GNA14: variants seen among roughly 807,000 people sequenced by gnomAD.
The protein encoded by GNA14 is G protein subunit alpha 14.
GNA14 carries 50 observed loss-of-function variants against 42.0 expected under a neutral mutation model. The ratio of observed to expected loss-of-function variants is 1.19; its 90% CI spans 0.95 to 1.51. GNA14 has a LOEUF of 1.51. Ranked by LOEUF, GNA14 falls within the 40% of genes most tolerant of loss-of-function variation. GNA14 has a pLI of 0.00. For synonymous variants in GNA14, 173 were observed against 163.1 expected, an observed-to-expected ratio of 1.06 and a Z score of -0.46; for missense variants, 473 against 446.2, an observed-to-expected ratio of 1.06 and a Z score of -0.54.
intron 1 of GNA14, among the ~76,000 whole-genome samples, chr9:77,548,820 A>G (rs1587826429): frequency 2.0e-5 from 3 of 152,238 alleles, no homozygotes; most frequent in African/African-American, 7.2e-5. Context: ...CCCATGTGGC[A>G]GCATCACTTT....
intron 2 of GNA14, among the ~76,000 whole-genome samples, chr9:77,465,511 G>A (rs187770155): frequency 1.6e-4 from 24 of 152,140 alleles, no homozygotes; most frequent in South Asian, 2.1e-4. Flanking sequence ...TTGGGTATAC[G>A]CCTAGGAGTA....
At chr9:77,425,760 T>C (rs751213612) in intron 5 of GNA14, 45 bp from the exon 6 acceptor site, 7 of 1,456,494 alleles carry the variant, frequency 4.8e-6, no homozygotes, top group South Asian at 1.3e-5. Context: ...AAAGGAAATA[T>C]TTTGGAAACA....
chr9:77,561,990 A>C (rs11145482), intron 1 of GNA14, among the ~76,000 whole-genome samples: 99,617 of 152,000 alleles, frequency 0.66, 32,896 homozygotes, highest in Admixed American at 0.73. Flanking sequence ...AAAGCCCAAA[A>C]AATCTACCAC....
At chr9:77,567,376 C>A (rs1587832547) in intron 1 of GNA14, among the ~76,000 whole-genome samples, 1 of 152,166 alleles carries the variant, frequency 6.6e-6, no homozygotes, top group East Asian at 1.9e-4. Flanking sequence ...TTATCAGTCT[C>A]CTCTGCTGTG....
At chr9:77,491,307 A>G (rs1836771606) in intron 2 of GNA14, among the ~76,000 whole-genome samples, 1 of 152,250 alleles carries the variant, frequency 6.6e-6, no homozygotes, top group African/African-American at 2.4e-5. Flanking sequence ...GGACAAATGC[A>G]GAATAATACT....
At chr9:77,550,110 G>T (rs1400356573) in intron 1 of GNA14, among the ~76,000 whole-genome samples, 6 of 152,126 alleles carry the variant, frequency 3.9e-5, no homozygotes, top group African/African-American at 9.7e-5. Flanking sequence ...GTAGAGAGAA[G>T]GGAACACCAG....
chr9:77,552,195 G>T (rs1005943079), intron 1 of GNA14, among the ~76,000 whole-genome samples: 1 of 149,894 alleles, frequency 6.7e-6, no homozygotes, highest in African/African-American at 2.5e-5. Flanking sequence ...ATTCCCAAAA[G>T]TTCTAAAATA....
chr9:77,585,490 C>T (rs940504207), intron 1 of GNA14, among the ~76,000 whole-genome samples: 1 of 152,214 alleles, frequency 6.6e-6, no homozygotes, highest in Non-Finnish European at 1.5e-5. Context: ...CCTTACCTTT[C>T]TTTACCATGC....
chr9:77,472,427 C>T (rs934366437), intron 2 of GNA14, among the ~76,000 whole-genome samples: 1 of 151,622 alleles, frequency 6.6e-6, no homozygotes, highest in Non-Finnish European at 1.5e-5. Flanking sequence ...CTAGCCAGGA[C>T]AATTAGGCAA....
At chr9:77,535,823 C>G (rs1837590027) in intron 1 of GNA14, among the ~76,000 whole-genome samples, 1 of 151,610 alleles carries the variant, frequency 6.6e-6, no homozygotes, top group Non-Finnish European at 1.5e-5. Context: ...AAAGGGGAAC[C>G]TGTGCTAATA....
At chr9:77,601,415 A>C (rs995664573) in intron 1 of GNA14, among the ~76,000 whole-genome samples, 6 of 152,188 alleles carry the variant, frequency 3.9e-5, no homozygotes, top group Non-Finnish European at 7.4e-5. Flanking sequence ...TATAAACCTC[A>C]TTTACGCTAA....
At position 77,425,592 on chromosome 9, in the gene GNA14, G is replaced by C; in HGVS notation, c.847C>G (p.His283Asp). The C allele has an allele frequency of 6.2e-7, 1 of 1,607,754 alleles. No individual in the cohort carries two copies. The highest frequency in any genetic ancestry group is 8.5e-7 in the Non-Finnish European group (1 of 1,175,502). ...DLLEEKIMYS[H>D]LISYFPEYTG... ...TATTCTGGGAAATAGCTAATTAGATGAGAGTACATGATTTTCTCTTCCAAA... is the reference window on the plus strand; with the variant it reads ...TATTCTGGGAAATAGCTAATTAGATCAGAGTACATGATTTTCTCTTCCAAA... Residue 283 changes from histidine (H) to aspartate (D), a missense_variant, in exon 6 of 7, where the codon CAT becomes GAT. Coordinates refer to ENST00000341700, the MANE Select transcript of GNA14 (RefSeq NM_004297.4).
rs1166623767 is a variant in GNA14, at chr9:77,587,310, C to G, written c.125-58057G>C. Among the ~76,000 whole-genome samples, 4 of 152,068 alleles carry G rather than the reference C, an allele frequency of 2.6e-5. No homozygotes were observed. In the East Asian group the frequency reaches 7.7e-4, roughly 29 times the overall value. ...ATTCCACTTCTAAGCATATATACCCCCAATACTGAAAGCAGGAACTCATAT... is the reference window on the plus strand; with the variant it reads ...ATTCCACTTCTAAGCATATATACCCGCAATACTGAAAGCAGGAACTCATAT... On this transcript the variant is annotated intron_variant, in intron 1 of 6. Coordinates refer to ENST00000341700, the MANE Select transcript of GNA14 (RefSeq NM_004297.4).
intron 1 of GNA14, among the ~76,000 whole-genome samples, chr9:77,556,101 G>A (rs954045360): frequency 6.6e-6 from 1 of 152,026 alleles, no homozygotes; most frequent in Non-Finnish European, 1.5e-5. Flanking sequence ...AAAATTAGCC[G>A]GGCATGATGG....
chr9:77,540,422 C>A (rs1265152216), intron 1 of GNA14, among the ~76,000 whole-genome samples: 4 of 152,080 alleles, frequency 2.6e-5, no homozygotes, highest in Non-Finnish European at 5.9e-5. Context: ...GTTCCATGTG[C>A]TGATAAGAAG....
At chr9:77,573,114 A>G (rs1233830175) in intron 1 of GNA14, among the ~76,000 whole-genome samples, 1 of 152,126 alleles carries the variant, frequency 6.6e-6, no homozygotes, top group Non-Finnish European at 1.5e-5. Context: ...TTCTGCATCA[A>G]AGATGTTGGG....
At chr9:77,583,854 A>T (rs1348907802) in intron 1 of GNA14, among the ~76,000 whole-genome samples, 1 of 152,190 alleles carries the variant, frequency 6.6e-6, no homozygotes, top group Non-Finnish European at 1.5e-5. Context: ...CTCAGCTCGG[A>T]GGACCACTGC....
intron 2 of GNA14, among the ~76,000 whole-genome samples, chr9:77,523,573 C>A (rs62573378): frequency 7.9e-5 from 12 of 152,002 alleles, no homozygotes; most frequent in African/African-American, 2.9e-4. Context: ...CACAGGCACA[C>A]ATCCAAACCA....
chr9:77,630,284 AT>A (rs1174911867), intron 1 of GNA14, among the ~76,000 whole-genome samples: 1 of 151,924 alleles, frequency 6.6e-6, no homozygotes, highest in African/African-American at 2.4e-5. Context: ...TGCCCAGCTA[AT>A]TTTTACACTT....
Sources: allele counts gnomAD v4.1 joint callset (sites outside exome capture counted in the v4.1 genomes callset), GRCh38; gene constraint gnomAD v4.1.1; transcripts MANE v1.5; gene names NCBI Gene and HGNC (gene_info 2026-07-23, HGNC 2026-07-21).